Variants in HDC observed in about 807,000 individuals in gnomAD.
HDC encodes the protein histidine decarboxylase.
Under a neutral mutation model 64.4 loss-of-function variants are expected in HDC, and 27 were observed. The ratio of observed to expected loss-of-function variants is 0.42; its 90% CI spans 0.31 to 0.58. HDC has a LOEUF of 0.58. HDC is among the 20% of genes least tolerant of loss of function. The probability of loss-of-function intolerance (pLI) is 0.16; values close to 1 mark genes in which losing one functional copy is unlikely to be tolerated. For synonymous variants in HDC, 305 were observed against 314.2 expected (o/e 0.97, Z 0.31); for missense variants, 711 against 833.9 (o/e 0.85, Z 1.81).
chr15:50,258,370 C>T (rs1176963139), intron 3 of HDC, 34 bp downstream of exon 3: 3 of 1,206,818 alleles, frequency 2.5e-6, no homozygotes, highest in African/African-American at 3.0e-5. Flanking sequence ...TGCTACGTTC[C>T]CCATTGCGAG....
At chr15:50,256,119 G>A (rs1353901473) in intron 4 of HDC, among the ~76,000 whole-genome samples, 1 of 152,146 alleles carries the variant, frequency 6.6e-6, no homozygotes, top group Admixed American at 6.5e-5. Context: ...TCAAAACATT[G>A]GGGAATGGTA....
rs756593325 is a variant in HDC at position 50,242,847 on chromosome 15, G to A, written c.1402C>T (p.Arg468Ter). The A allele has an allele frequency of 5.0e-6, 8 of 1,613,636 alleles. No individual in the cohort carries two copies. The highest frequency in any genetic ancestry group is 1.7e-5 in the Admixed American group (1 of 60,000). Reference protein sequence around the residue: ...DDILRDWNLIRDAATLILSQH... With the variant: ...DDILRDWNLI ...CTCAGGATGAGAGTGGCAGCATCTC[G>A]AATGAGATTCCAGTCTCTCAGGATG... Residue 468 changes from arginine to a stop codon, truncating the protein, a stop_gained, in exon 12 of 12, where the codon CGA becomes TGA. Transcript: ENST00000267845. LOFTEE classifies it high-confidence loss of function.
Position 50,248,194 on chromosome 15 carries a change from T to G in HDC, c.1140+51A>C. Reference sequence around the variant, plus strand: ...AAGTAGAAACCAGCCTTCCTCGCCATGAGAAAACAGAGGAACACAGGCTCA... The same window carrying G: ...AAGTAGAAACCAGCCTTCCTCGCCAGGAGAAAACAGAGGAACACAGGCTCA... On this transcript the variant is annotated intron_variant, in intron 10 of 11. Coordinates refer to ENST00000267845, the MANE Select transcript of HDC (RefSeq NM_002112.4). The surrounding 1 kb of genome is among the most constrained non-coding windows in gnomAD (Gnocchi z 4.3). The G allele has an allele frequency of 6.0e-6, 8 of 1,326,604 alleles. No individual in the cohort carries two copies. The highest frequency in any genetic ancestry group is 8.7e-6 in the Non-Finnish European group (8 of 920,418). The allele number at this position is 1,326,604 out of a possible 1,614,324, so 82.2% of individuals were successfully genotyped here. A position where few individuals can be genotyped will look rare whatever the true frequency, so the allele number is the denominator to read the frequency against.
chr15:50,260,153 C>T (rs183274181), intron 2 of HDC, among the ~76,000 whole-genome samples: 6 of 152,114 alleles, frequency 3.9e-5, no homozygotes, highest in African/African-American at 1.2e-4. Flanking sequence ...TCCCAAGTAG[C>T]TGGGATTACA....
Position 50,243,171 on chromosome 15 carries a change from T to G in HDC, c.1214A>C (p.His405Pro). The G allele has an allele frequency of 6.2e-7, 1 of 1,613,656 alleles. No individual in the cohort carries two copies. The highest frequency in any genetic ancestry group is 8.5e-7 in the Non-Finnish European group (1 of 1,179,532). The change falls in exon 11 of 12, where the codon CAC (histidine) becomes CCC (proline). Residue 405 changes from histidine to proline, a missense_variant. Around this residue, in one of 3 missense-constraint regions of HDC, gnomAD observed 483 missense variants for 540.9 expected, o/e 0.89. Coordinates refer to ENST00000267845, the MANE Select transcript of HDC (RefSeq NM_002112.4). ...DPSFEIPAKR[H>P]LGLVVFRLKG... The stretch of plus-strand genomic sequence containing the variant: ...TAGACGAAAAACCACCAGGCCAAGG[T>G]GCCTCTTGGCAGGAATTTCAAAGGA...
chr15:50,258,471 AG>A lies in HDC; in HGVS notation c.250del (p.Leu84SerfsTer8). ...TCCTAGCAGGGAGGGCCAAGAGGTG[AG>A]GGCTGGGTAGTAGGCGTGCATATGG... ...SPHMHAYYPA[L>X]TSWPSLLGDM... On this transcript the variant is annotated frameshift_variant, in exon 3 of 12. Coordinates refer to ENST00000267845, the MANE Select transcript of HDC (RefSeq NM_002112.4). LOFTEE classifies it high-confidence loss of function. 1 of 1,613,758 alleles carries A rather than the reference AG, an allele frequency of 6.2e-7. No individual in the cohort carries two copies. Among genetic ancestry groups the A allele is most frequent in the Non-Finnish European group, 8.5e-7 (1 of 1,179,772 alleles).
At chr15:50,257,388 G>T (rs1326318138) in intron 4 of HDC, 37 bp downstream of exon 4, 1 of 1,613,844 alleles carries the variant, frequency 6.2e-7, no homozygotes, top group Admixed American at 1.7e-5. Flanking sequence ...TCGCTACTTA[G>T]CCCCCAAGCT....
At chr15:50,254,738 T>TTTTCTC (rs59701846) in intron 4 of HDC, 74 bp from the exon 5 acceptor site, 111 of 865,360 alleles carry the variant, frequency 1.3e-4, no homozygotes, top group African/African-American at 3.5e-4. Context: ...TTCTAGTTTT[T>TTTTCTC]TCTCTCTCTC....
At chr15:50,256,057 T>TTTA (rs2045626074) in intron 4 of HDC, among the ~76,000 whole-genome samples, 1 of 152,346 alleles carries the variant, frequency 6.6e-6, no homozygotes, top group African/African-American at 2.4e-5. Context: ...GCTTATCAGC[T>TTTA]GTGTAAGCTA....
Position 50,258,460 on chromosome 15 carries a change from G to T in HDC, c.262C>A (p.Pro88Thr). The change falls in exon 3 of 12, where the codon CCC becomes ACC. Residue 88 changes from proline (P) to threonine (T), a missense_variant. By Grantham distance (38) the Pro-to-Thr change is conservative. This residue lies in a region of HDC where 225 missense variants were observed against 276.2 expected (regional missense o/e 0.81). Transcript: ENST00000267845. ...HAYYPALTSW[P>T]SLLGDMLADA... The stretch of plus-strand genomic sequence containing the variant: ...GCCAGCATGTCTCCTAGCAGGGAGG[G>T]CCAAGAGGTGAGGGCTGGGTAGTAG... 6.2e-7 allele frequency: 1 copy of T among 1,613,814 alleles called. No individual in the cohort carries two copies. Among genetic ancestry groups the T allele is most frequent in the South Asian group, 1.1e-5 (1 of 91,068 alleles).
chr15:50,252,712 G>T lies in HDC; in HGVS notation c.850C>A (p.Pro284Thr), dbSNP rs141554251. 18 of 1,613,990 alleles carry T rather than the reference G, an allele frequency of 1.1e-5. No homozygotes were observed. In the African/African-American group the frequency reaches 2.4e-4, roughly 22 times the overall value. The part of the protein sequence containing the change: ...AAYAGTAFLC[P>T]EFRGFLKGIE... Reference sequence around the variant, plus strand: ...CCCTTCAGAAACCCCCGGAACTCGGGGCACAGGAAGGCAGTGCCTGCATAA... The same window carrying T: ...CCCTTCAGAAACCCCCGGAACTCGGTGCACAGGAAGGCAGTGCCTGCATAA... Residue 284 changes from proline (P) to threonine (T), a missense_variant, in exon 8 of 12, where the codon CCC becomes ACC. This residue lies in a region of HDC where 483 missense variants were observed against 540.9 expected (regional missense o/e 0.89). Coordinates refer to ENST00000267845, the MANE Select transcript of HDC (RefSeq NM_002112.4).
intron 10 of HDC, among the ~76,000 whole-genome samples, chr15:50,246,180 G>A (rs921528230): frequency 1.3e-5 from 2 of 152,194 alleles, no homozygotes; most frequent in African/African-American, 4.8e-5. Flanking sequence ...TGCCAGGTTA[G>A]AGTGACCACC....
In HDC at chr15:50,242,637, T is replaced by C; in HGVS notation, c.1612A>G (p.Asn538Asp). ...AGCAGGGTTTCAAGATGGAGGCCAT[T>C]TTCCCTTTTCATGGGACCGGCTCCC... ...RVGAGPMKRE[N>D]GLHLETLLDP... Residue 538 changes from asparagine to aspartate, a missense_variant, in exon 12 of 12, where the codon AAT becomes GAT. Physicochemically the swap from Asn to Asp is conservative, Grantham distance 23 (BLOSUM62 1). Transcript: ENST00000267845. The C allele has an allele frequency of 6.2e-7, 1 of 1,614,110 alleles. No homozygotes were observed. Among genetic ancestry groups the C allele is most frequent in the Non-Finnish European group, 8.5e-7 (1 of 1,180,008 alleles).
chr15:50,263,167 C>G, intron 2 of HDC, 68 bp downstream of exon 2: 1 of 1,543,816 alleles, frequency 6.5e-7, no homozygotes, highest in Non-Finnish European at 9.0e-7. Flanking sequence ...GCAGGTCTTT[C>G]TCCAGGCCAC....
In HDC at chr15:50,263,251, C is replaced by T. The variant is rs769839707; in HGVS notation, c.188G>A (p.Arg63Gln). 5 of 1,613,990 alleles carry T rather than the reference C, an allele frequency of 3.1e-6. No individual in the cohort carries two copies. The highest frequency in any genetic ancestry group is 1.3e-5 in the African/African-American group (1 of 74,912). Residue 63 changes from arginine to glutamine, a missense_variant, in exon 2 of 12, where the codon CGA becomes CAA. Around this residue, in one of 3 missense-constraint regions of HDC, gnomAD observed 225 missense variants for 276.2 expected, o/e 0.81. Transcript: ENST00000267845. ...SWDSIFGDIERIIMPGVVHWQ... is the reference protein window; with the variant it reads ...SWDSIFGDIEQIIMPGVVHWQ... ...GTGTCTCACCCCAGGCATGATGATT[C>T]GTTCAATGTCCCCAAAGATGCTGTC...
At position 50,243,136 on chromosome 15, in the gene HDC, G is replaced by A. The variant is rs777188594; in HGVS notation, c.1242+7C>T. On this transcript the variant is annotated splice_region_variant and intron_variant, in intron 11 of 11. Transcript: ENST00000267845. Reference sequence around the variant, plus strand: ...CATTCACAGAGGGGCTTGGAAGATGGTATTACCTTTAGACGAAAAACCACC... The same window carrying A: ...CATTCACAGAGGGGCTTGGAAGATGATATTACCTTTAGACGAAAAACCACC... The A allele has an allele frequency of 1.2e-6, 2 of 1,612,088 alleles. No homozygotes were observed. The highest frequency in any genetic ancestry group is 1.3e-5 in the African/African-American group (1 of 75,012).
chr15:50,265,490 A>T, intron 1 of HDC, 103 bp downstream of exon 1: 1 of 1,012,362 alleles, frequency 9.9e-7, no homozygotes, highest in Non-Finnish European at 1.6e-6. Context: ...GGCAATTCTA[A>T]TGCTCCCATC....
chr15:50,252,321 A>G, intron 9 of HDC, 109 bp downstream of exon 9: 1 of 805,270 alleles, frequency 1.2e-6, no homozygotes, highest in Non-Finnish European at 2.2e-6. Flanking sequence ...ATGAGCTCAT[A>G]GTGTGCTGCC....
At position 50,263,363 on chromosome 15, in the gene HDC, G is replaced by A. The variant is rs768687991; in HGVS notation, c.76C>T (p.Arg26Trp). 9.9e-6 allele frequency: 16 copies of A among 1,614,096 alleles called. No individual in the cohort carries two copies. Among genetic ancestry groups the A allele is most frequent in the Admixed American group, 5.0e-5 (3 of 60,008 alleles). ...ACGTCTGGCGTCACACGTCTCTCCC[G>A]CACAGTGCTCAGGTACTGGCAGATG... ...DYICQYLSTV[R>W]ERRVTPDVQP... The change falls in exon 2 of 12, where the codon CGG becomes TGG. Residue 26 changes from arginine to tryptophan, a missense_variant. Transcript: ENST00000267845.
Sources: allele counts gnomAD v4.1 joint callset (sites outside exome capture counted in the v4.1 genomes callset), GRCh38; gene constraint gnomAD v4.1.1; regional missense constraint gnomAD v4.1.1; non-coding constraint Gnocchi (gnomAD v3.1); transcripts MANE v1.5; gene names NCBI Gene and HGNC (gene_info 2026-07-23, HGNC 2026-07-21).